Variants in PARP11 observed in about 807,000 individuals in gnomAD.
The protein encoded by PARP11 is poly(ADP-ribose) polymerase family member 11, also known as protein mono-ADP-ribosyltransferase PARP11.
In PARP11, 31 loss-of-function variants were observed where a neutral mutation model predicts 42.9. That is an observed-to-expected ratio of 0.72 (90% CI 0.54 to 0.98). The LOEUF is 0.98. PARP11 is among the 50% of genes least tolerant of loss of function. PARP11 has a pLI of 0.00. For missense variants in PARP11, 365 were observed against 413.1 expected, an observed-to-expected ratio of 0.88 and a Z score of 1.01; for synonymous variants, 137 against 127.3, an observed-to-expected ratio of 1.08 and a Z score of -0.51.
intron 1 of PARP11, among the ~76,000 whole-genome samples, chr12:3,837,851 G>A (rs1444350616): frequency 6.6e-6 from 1 of 151,734 alleles, no homozygotes; most frequent in Non-Finnish European, 1.5e-5. Context: ...TGTAAAAAGA[G>A]ATAAAGAAGG....
At position 3,821,800 on chromosome 12, in the gene PARP11, C is replaced by T. The variant is rs1947399409; in HGVS notation, c.548+73G>A. On this transcript the variant is annotated intron_variant, in intron 6 of 7. Transcript: ENST00000228820. ...ATGTCTACACCACTGAAAATTAATA[C>T]AATTCAATATTTATGTTTTAACCAT... is the stretch of plus-strand genomic sequence containing the variant. The T allele has an allele frequency of 4.1e-5, 60 of 1,464,788 alleles. 1 individual carries two copies. In the South Asian group the frequency reaches 7.0e-4, roughly 17 times the overall value. The allele number at this position is 1,464,788 out of a possible 1,614,324, so 90.7% of individuals were successfully genotyped here.
intron 1 of PARP11, chr12:3,871,600 G>A (rs1453208512): frequency 6.6e-6 from 1 of 152,140 alleles, no homozygotes; most frequent in East Asian, 1.9e-4. Flanking sequence ...CCATTGTTAG[G>A]AGGCGCACGA....
At chr12:3,839,975 C>CT (rs1947853124) in intron 1 of PARP11, 1 of 1,470,466 alleles carries the variant, frequency 6.8e-7, no homozygotes, top group Non-Finnish European at 9.5e-7. Context: ...GGATTTAAAC[C>CT]TTTGTCAGGC....
chr12:3,853,634 G>T (rs1417340173), intron 1 of PARP11, among the ~76,000 whole-genome samples: 2 of 152,120 alleles, frequency 1.3e-5, no homozygotes, highest in Admixed American at 1.3e-4. Context: ...GATTCATAAA[G>T]CAAGTCCTTA....
intron 4 of PARP11, among the ~76,000 whole-genome samples, chr12:3,825,645 T>A (rs957550119): frequency 6.6e-6 from 1 of 152,210 alleles, no homozygotes; most frequent in Non-Finnish European, 1.5e-5. Flanking sequence ...AGGAAAAGGA[T>A]AACATGAAAG....
rs76530375 is a variant in PARP11 at position 3,811,374 on chromosome 12, A to G, written c.*749T>C. The G allele has an allele frequency of 5.4e-4, 83 of 152,374 alleles. No individual in the cohort carries two copies. The highest frequency in any genetic ancestry group is 1.9e-3 in the African/African-American group (79 of 41,596). 9.4% of individuals were successfully genotyped at this position (152,374 alleles called of 1,614,324 possible). A position where few individuals can be genotyped will look rare whatever the true frequency, so the allele number is the denominator to read the frequency against. ...GATGCAATAAACACCTTGCACAGCA[A>G]GTCGTGGTGTAAGAATCCAAGAGCC... On this transcript the variant is annotated 3_prime_UTR_variant, in exon 8 of 8. Transcript: ENST00000228820.
At chr12:3,843,644 G>A (rs775406519) in intron 1 of PARP11, among the ~76,000 whole-genome samples, 1 of 152,202 alleles carries the variant, frequency 6.6e-6, no homozygotes. Context: ...CCTTAGGTAG[G>A]TAACATCTTC....
chr12:3,826,322 A>G, intron 3 of PARP11, 89 bp from the exon 4 acceptor site: 1 of 900,266 alleles, frequency 1.1e-6, no homozygotes, highest in Non-Finnish European at 1.6e-6. Flanking sequence ...CTACGCGATG[A>G]TCAGGAATCA....
chr12:3,824,731 G>T, intron 4 of PARP11: 2 of 384,514 alleles, frequency 5.2e-6, no homozygotes, highest in Non-Finnish European at 7.1e-6. Flanking sequence ...CTCCACCAAA[G>T]CACAGCAGAT....
intron 1 of PARP11, among the ~76,000 whole-genome samples, chr12:3,858,600 T>TAC (rs1412233826): frequency 6.6e-6 from 1 of 152,158 alleles, no homozygotes; most frequent in Non-Finnish European, 1.5e-5. Context: ...AGTCAAAAAA[T>TAC]ACAGTGTATA....
chr12:3,838,414 A>C lies in PARP11; in HGVS notation c.19-8396T>G, dbSNP rs143994377. Reference sequence around the variant, plus strand: ...TCTCTTAAAGCAAATGAAAGTGGAGATACAAAATACCAAAATCTATGGGAT... The same window carrying C: ...TCTCTTAAAGCAAATGAAAGTGGAGCTACAAAATACCAAAATCTATGGGAT... On this transcript the variant is annotated intron_variant, in intron 1 of 7. Coordinates refer to ENST00000228820, the MANE Select transcript of PARP11 (RefSeq NM_020367.6). 7.9e-5 allele frequency among the ~76,000 whole-genome samples: 12 copies of C among 152,312 alleles called. No homozygotes were observed. The East Asian group carries it at 2.3e-3, about 29-fold the overall frequency.
At chr12:3,830,573 C>T (rs888433421) in intron 1 of PARP11, among the ~76,000 whole-genome samples, 3 of 152,100 alleles carry the variant, frequency 2.0e-5, no homozygotes, top group African/African-American at 7.2e-5. Flanking sequence ...TGTTTACACA[C>T]ATATATAGAA....
chr12:3,842,535 T>C (rs753216461), intron 1 of PARP11: 47 of 1,512,446 alleles, frequency 3.1e-5, no homozygotes, highest in Middle Eastern at 1.7e-4. Context: ...TGCCGAAGTA[T>C]TTTCTAACAG....
At chr12:3,829,308 G>A (rs139836173) in intron 2 of PARP11, among the ~76,000 whole-genome samples, 2 of 152,140 alleles carry the variant, frequency 1.3e-5, no homozygotes, top group Non-Finnish European at 2.9e-5. Context: ...AATTTTTACA[G>A]ATTATTCCAA....
At chr12:3,839,339 A>AGGGCGGCGCG (rs1367425202) in intron 1 of PARP11, 1 of 1,528,950 alleles carries the variant, frequency 6.5e-7, no homozygotes, top group African/African-American at 1.4e-5. Flanking sequence ...GGCGAGGACC[A>AGGGCGGCGCG]GGGCGGCGCG....
intron 4 of PARP11, among the ~76,000 whole-genome samples, chr12:3,823,255 A>G (rs1565533812): frequency 6.6e-6 from 1 of 152,236 alleles, no homozygotes; most frequent in Non-Finnish European, 1.5e-5. Context: ...CTCCCACTCC[A>G]GTCCCTGGTA....
intron 1 of PARP11, among the ~76,000 whole-genome samples, chr12:3,850,005 A>AT (rs2138091527): frequency 6.6e-6 from 1 of 152,244 alleles, no homozygotes; most frequent in Admixed American, 6.5e-5. Context: ...AATTAAATAC[A>AT]TATCATTATG....
At chr12:3,873,100 A>G (rs1948523167) in intron 1 of PARP11, 112 bp downstream of exon 1, 2 of 1,058,154 alleles carry the variant, frequency 1.9e-6, no homozygotes. Context: ...CGGTCCCGGA[A>G]CTCAACACCC....
intron 1 of PARP11, among the ~76,000 whole-genome samples, chr12:3,856,932 G>A (rs1591534901): frequency 6.6e-6 from 1 of 152,130 alleles, no homozygotes; most frequent in Admixed American, 6.5e-5. Flanking sequence ...CATACACCAC[G>A]GAATACTATG....
Sources: allele counts gnomAD v4.1 joint callset (sites outside exome capture counted in the v4.1 genomes callset), GRCh38; gene constraint gnomAD v4.1.1; transcripts MANE v1.5; gene names NCBI Gene and HGNC (gene_info 2026-07-23, HGNC 2026-07-21).